Variants in NUP98 observed in about 807,000 individuals in gnomAD.
NUP98 encodes the protein nuclear pore complex protein Nup98-Nup96.
A neutral mutation model predicts 191.9 loss-of-function variants in NUP98; 26 were observed. The ratio of observed to expected loss-of-function variants is 0.14; its 90% confidence interval spans 0.10 to 0.19. The LOEUF (loss-of-function observed/expected upper bound fraction) is 0.19. Among genes scored for constraint, NUP98 ranks in the 10% least tolerant of loss-of-function variants. The pLI, the probability that NUP98 is intolerant of heterozygous loss-of-function variation, is 1.00. For missense variants in NUP98, 1,941 were observed against 2,178.8 expected (o/e 0.89, Z 2.17); for synonymous variants, 808 against 778.4 (o/e 1.04, Z -0.63).
chr11:3,739,812 C>T (rs1266299690), intron 12 of NUP98, among the ~76,000 whole-genome samples: 2 of 152,144 alleles, frequency 1.3e-5, no homozygotes, highest in African/African-American at 2.4e-5. Flanking sequence ...AAAGCAGTTA[C>T]AGCTGACCTT....
At chr11:3,685,870 T>C in intron 29 of NUP98, 103 bp downstream of exon 29, 1 of 857,398 alleles carries the variant, frequency 1.2e-6, no homozygotes, top group East Asian at 2.5e-5. Context: ...CTAACACACA[T>C]TCTACACAAT....
intron 11 of NUP98, among the ~76,000 whole-genome samples, chr11:3,746,293 AAGAC>A (rs1564877299): frequency 2.2e-5 from 3 of 139,030 alleles, no homozygotes; most frequent in Non-Finnish European, 3.3e-5. Flanking sequence ...AAAAAAAAAA[AAGAC>A]AGCTTTGGGA....
intron 31 of NUP98, among the ~76,000 whole-genome samples, chr11:3,678,804 T>C (rs569846105): frequency 3.9e-5 from 6 of 152,202 alleles, no homozygotes; most frequent in African/African-American, 1.4e-4. Flanking sequence ...TGGAGACTCA[T>C]TTTACGACTA....
At chr11:3,754,271 A>G (rs1476976787) in intron 10 of NUP98, among the ~76,000 whole-genome samples, 1 of 152,116 alleles carries the variant, frequency 6.6e-6, no homozygotes, top group African/African-American at 2.4e-5. Context: ...TACAAAATAT[A>G]CAAAATTAGC....
chr11:3,776,064 T>G (rs1229927743), intron 4 of NUP98, 43 bp from the exon 5 acceptor site: 1 of 1,496,322 alleles, frequency 6.7e-7, no homozygotes, highest in Non-Finnish European at 9.2e-7. Context: ...AGTAAGAAAT[T>G]TAAGAATGTA....
At chr11:3,751,587 A>C (rs144885037) in intron 11 of NUP98, among the ~76,000 whole-genome samples, 9 of 152,274 alleles carry the variant, frequency 5.9e-5, no homozygotes, top group African/African-American at 2.2e-4. Flanking sequence ...AGCAGAGAGC[A>C]CTGACTCATG....
chr11:3,731,276 A>T (rs1172624215), intron 14 of NUP98, 115 bp downstream of exon 14: 1 of 738,594 alleles, frequency 1.4e-6, no homozygotes, highest in East Asian at 3.5e-5. Context: ...AAACAAAAAC[A>T]AAAACAAAGT....
intron 11 of NUP98, among the ~76,000 whole-genome samples, chr11:3,747,630 A>G (rs1471579869): frequency 2.0e-5 from 3 of 152,222 alleles, no homozygotes; most frequent in Non-Finnish European, 2.9e-5. Context: ...GCATACAAAA[A>G]TATCTTATGT....
At chr11:3,790,441 G>A (rs2082298209) in intron 1 of NUP98, among the ~76,000 whole-genome samples, 1 of 152,122 alleles carries the variant, frequency 6.6e-6, no homozygotes, top group African/African-American at 2.4e-5. Context: ...CTCAAAGTGT[G>A]ACCCAAAGAC....
chr11:3,700,058 T>C (rs553516507), intron 24 of NUP98, among the ~76,000 whole-genome samples: 1 of 152,098 alleles, frequency 6.6e-6, no homozygotes, highest in East Asian at 1.9e-4. Flanking sequence ...GGATAGGATT[T>C]AGAAAAGCAA....
intron 24 of NUP98, among the ~76,000 whole-genome samples, chr11:3,699,879 T>C (rs916961395): frequency 3.3e-4 from 50 of 152,344 alleles, no homozygotes; most frequent in African/African-American, 1.2e-3. Context: ...AAAATGATTT[T>C]TCTACTGTTT....
intron 20 of NUP98, among the ~76,000 whole-genome samples, chr11:3,707,627 G>A (rs926369554): frequency 6.7e-6 from 1 of 148,994 alleles, no homozygotes; most frequent in Admixed American, 6.8e-5. Context: ...ATGTGCCTGG[G>A]ATTACAGGCA....
chr11:3,707,729 ACT>A (rs1442542127), intron 20 of NUP98, among the ~76,000 whole-genome samples: 1 of 148,502 alleles, frequency 6.7e-6, no homozygotes, highest in Non-Finnish European at 1.5e-5. Flanking sequence ...ACAGAATGAG[ACT>A]CTGTCTCAAA....
At chr11:3,763,207 A>G (rs555443645) in intron 8 of NUP98, among the ~76,000 whole-genome samples, 168 bp from the exon 9 acceptor site, 3 of 152,320 alleles carry the variant, frequency 2.0e-5, no homozygotes, top group South Asian at 4.1e-4. Context: ...AGCAGGGAGT[A>G]TATTTTTCAA....
At chr11:3,788,989 A>T (rs928642490) in intron 1 of NUP98, among the ~76,000 whole-genome samples, 1 of 152,100 alleles carries the variant, frequency 6.6e-6, no homozygotes, top group African/African-American at 2.4e-5. Context: ...ACCATCATTG[A>T]CTCTTAAAAT....
At chr11:3,778,171 C>A (rs1385604747) in intron 4 of NUP98, among the ~76,000 whole-genome samples, 1 of 143,568 alleles carries the variant, frequency 7.0e-6, no homozygotes, top group South Asian at 2.2e-4. Flanking sequence ...TACACTCCAG[C>A]CTGGGTGACA....
rs760568174 is a variant in NUP98 at position 3,686,162 on chromosome 11, C to T, written c.4487G>A (p.Arg1496Gln). 8 of 1,614,096 alleles carry T rather than the reference C, an allele frequency of 5.0e-6. No individual in the cohort carries two copies. Among genetic ancestry groups the T allele is most frequent in the East Asian group, 2.2e-5 (1 of 44,904 alleles). The change falls in exon 29 of 33, where the codon CGA becomes CAA. Residue 1496 changes from arginine to glutamine, a missense_variant. By Grantham distance (43) the Arg-to-Gln change is conservative. Coordinates refer to ENST00000324932, the MANE Select transcript of NUP98 (RefSeq NM_016320.5). ...GTCCAAAGGATCTGCTGTTATGCTT[C>T]GAGGCTCCAGCAGCTGGTTGAGATC... ...HYDLNQLLEPRSITADPLDYR... is the reference protein window; with the variant it reads ...HYDLNQLLEPQSITADPLDYR...
rs2077766745 is a variant in NUP98, at chr11:3,675,148, C to A, written c.*1011G>T. 1 of 200,934 alleles carries A rather than the reference C, an allele frequency of 5.0e-6. No homozygotes were observed. The highest frequency in any genetic ancestry group is 1.0e-5 in the Non-Finnish European group (1 of 97,346). 12.4% of individuals were successfully genotyped at this position (200,934 alleles called of 1,614,324 possible). ...TACATTATCTTCATGCATAAAGACC[C>A]AGGTGTGGCCATATTGCCTGAGATA... On this transcript the variant is annotated 3_prime_UTR_variant, in exon 33 of 33. Coordinates refer to ENST00000324932, the MANE Select transcript of NUP98 (RefSeq NM_016320.5).
At chr11:3,694,650 G>C (rs2078443618) in intron 26 of NUP98, among the ~76,000 whole-genome samples, 1 of 151,752 alleles carries the variant, frequency 6.6e-6, no homozygotes. Context: ...TGAGGCAGAA[G>C]AATGAGGTGA....
Sources: gnomAD v4.1 joint callset for allele counts (sites outside exome capture counted in the v4.1 genomes callset) on GRCh38, gnomAD v4.1.1 for gene constraint, MANE v1.5 for transcripts, NCBI Gene and HGNC (gene_info 2026-07-23, HGNC 2026-07-21) for gene names.